The following SCHIP1 variants were observed in gnomAD, a reference collection of about 807,000 sequenced individuals.
SCHIP1 encodes schwannomin interacting protein 1.
In SCHIP1, 8 loss-of-function variants were observed where a neutral mutation model predicts 29.7. The ratio of observed to expected loss-of-function variants is 0.27; its 90% CI spans 0.16 to 0.49. The LOEUF is 0.49. Ranked by LOEUF, SCHIP1 falls within the 20% of genes least tolerant of loss-of-function variation. The pLI is 0.99. For missense variants in SCHIP1, 193 were observed against 294.6 expected, an observed-to-expected ratio of 0.66 and a Z score of 2.52; for synonymous variants, 76 against 94.9, an observed-to-expected ratio of 0.80 and a Z score of 1.16.
the SCHIP1 span, chr3:159,722,044 C>A: frequency 2.7e-6 from 1 of 363,686 alleles, no homozygotes; most frequent in Admixed American, 3.1e-5. Flanking sequence ...ATTATGTCTG[C>A]ATTCTCATCC....
At chr3:159,591,733 A>C in the SCHIP1 span, among the ~76,000 whole-genome samples, 857 of 152,132 alleles carry the variant, frequency 5.6e-3, 2 homozygotes, top group South Asian at 0.028. Context: ...ACACATGAAC[A>C]CAGGGAGGGG....
chr3:159,709,561 C>T, the SCHIP1 span, among the ~76,000 whole-genome samples: 1 of 152,168 alleles, frequency 6.6e-6, no homozygotes, highest in Non-Finnish European at 1.5e-5. Context: ...ATTTGATTTA[C>T]ACAGAAATCT....
At chr3:159,832,237 C>T in the SCHIP1 span, among the ~76,000 whole-genome samples, 3 of 152,138 alleles carry the variant, frequency 2.0e-5, no homozygotes, top group East Asian at 5.8e-4. Flanking sequence ...CTATCGCCAC[C>T]ACAACTTCCT....
At chr3:159,347,904 A>G in the SCHIP1 span, among the ~76,000 whole-genome samples, 1 of 152,202 alleles carries the variant, frequency 6.6e-6, no homozygotes, top group African/African-American at 2.4e-5. Context: ...TCCTGGTATG[A>G]AATATATCCC....
At chr3:159,750,223 G>A in the SCHIP1 span, among the ~76,000 whole-genome samples, 1 of 145,800 alleles carries the variant, frequency 6.9e-6, no homozygotes, top group East Asian at 2.0e-4. Context: ...CAGATGCACT[G>A]GTCAAAAAGC....
chr3:159,843,001 C>CTTCTT (rs1744394617), intron 1 of SCHIP1, among the ~76,000 whole-genome samples: 1 of 63,710 alleles, frequency 1.6e-5, no homozygotes, highest in African/African-American at 4.7e-5. Context: ...ATATTTCTTT[C>CTTCTT]TTTTTTTTTT....
At chr3:159,446,044 A>T in the SCHIP1 span, among the ~76,000 whole-genome samples, 1,324 of 143,654 alleles carry the variant, frequency 9.2e-3, 24 homozygotes, top group African/African-American at 0.034. Flanking sequence ...ATAATAATAA[A>T]AAGAAAATTC....
At chr3:159,726,078 C>A in the SCHIP1 span, among the ~76,000 whole-genome samples, 1 of 152,114 alleles carries the variant, frequency 6.6e-6, no homozygotes, top group African/African-American at 2.4e-5. Flanking sequence ...CCCTTGCAAC[C>A]TTTGAAGTTT....
chr3:159,765,971 G>A, the SCHIP1 span, among the ~76,000 whole-genome samples: 4 of 152,296 alleles, frequency 2.6e-5, no homozygotes, highest in East Asian at 7.7e-4. Flanking sequence ...AAGAAGCACT[G>A]GCAGGTTCAC....
chr3:159,518,287 A>T, the SCHIP1 span, among the ~76,000 whole-genome samples: 2 of 152,108 alleles, frequency 1.3e-5, no homozygotes, highest in Non-Finnish European at 2.9e-5. Context: ...AAATGATTGC[A>T]TTTGGAAGAG....
chr3:159,632,899 G>A, the SCHIP1 span, among the ~76,000 whole-genome samples: 1 of 152,176 alleles, frequency 6.6e-6, no homozygotes, highest in African/African-American at 2.4e-5. Context: ...GGGCACATGT[G>A]GGAGACTTCT....
At chr3:159,487,130 C>G in the SCHIP1 span, among the ~76,000 whole-genome samples, 150,912 of 152,278 alleles carry the variant, frequency 0.99, 74,782 homozygotes, top group East Asian at 1. Flanking sequence ...CTAAGATTCA[C>G]CTGTCTTCTA....
chr3:159,503,882 C>G, the SCHIP1 span, among the ~76,000 whole-genome samples: 1 of 152,104 alleles, frequency 6.6e-6, no homozygotes, highest in African/African-American at 2.4e-5. Flanking sequence ...GGGGGAATAA[C>G]AGGCTCCTAC....
chr3:159,353,784 C>T, the SCHIP1 span, among the ~76,000 whole-genome samples: 4 of 152,186 alleles, frequency 2.6e-5, no homozygotes, highest in East Asian at 7.7e-4. Context: ...AATTTTTCAA[C>T]CAAGATGTAT....
At chr3:159,397,836 G>A in the SCHIP1 span, among the ~76,000 whole-genome samples, 1 of 152,238 alleles carries the variant, frequency 6.6e-6, no homozygotes, top group East Asian at 1.9e-4. Context: ...GCCTCTTTGA[G>A]CTGTGGTGGG....
chr3:159,738,169 T>C, the SCHIP1 span, among the ~76,000 whole-genome samples: 1 of 152,088 alleles, frequency 6.6e-6, no homozygotes, highest in African/African-American at 2.4e-5. Context: ...ATTGACACAA[T>C]GCATTTTGTA....
the SCHIP1 span, among the ~76,000 whole-genome samples, chr3:159,801,371 T>C: frequency 1.3e-5 from 2 of 152,194 alleles, no homozygotes; most frequent in Non-Finnish European, 2.9e-5. Context: ...AGAAAGAAAG[T>C]ACATGCAGAT....
chr3:159,710,312 C>G, the SCHIP1 span, among the ~76,000 whole-genome samples: 2 of 151,972 alleles, frequency 1.3e-5, no homozygotes, highest in Non-Finnish European at 2.9e-5. Context: ...ATCCAGGGAA[C>G]ATTCTGCTAA....
chr3:159,843,560 C>T (rs902967736), intron 1 of SCHIP1, among the ~76,000 whole-genome samples: 1 of 151,880 alleles, frequency 6.6e-6, no homozygotes, highest in Admixed American at 6.6e-5. Context: ...GTGGCTCACG[C>T]CTGTAATCCC....
Sources: gnomAD v4.1 joint callset for allele counts (sites outside exome capture counted in the v4.1 genomes callset) on GRCh38, gnomAD v4.1.1 for gene constraint, MANE v1.5 for transcripts, NCBI Gene and HGNC (gene_info 2026-07-23, HGNC 2026-07-21) for gene names.